Variants in ZNF469 observed in about 807,000 individuals in gnomAD.
ZNF469 encodes the protein zinc finger protein 469.
In ZNF469, 1 loss-of-function variant was observed where a neutral mutation model predicts 1.0. That is an observed-to-expected ratio of 1.00 (90% CI 0.35 to 4.73). The LOEUF (loss-of-function observed/expected upper bound fraction) is 4.73. Ranked by LOEUF, ZNF469 falls within the 30% of genes most tolerant of loss-of-function variation. The pLI is 0.16. For synonymous variants in ZNF469, 2,703 were observed against 2,363.4 expected, an observed-to-expected ratio of 1.14 and a Z score of -4.17; for missense variants, 6,100 against 5,356.3, an observed-to-expected ratio of 1.14 and a Z score of -4.33.
At chr16:88,228,366 C>T in the ZNF469 span, among the ~76,000 whole-genome samples, 2 of 152,230 alleles carry the variant, frequency 1.3e-5, no homozygotes, top group Admixed American at 1.3e-4. Context: ...GGTCTGGGCC[C>T]TGGGGTGTGT....
chr16:88,215,383 AT>A, the ZNF469 span, among the ~76,000 whole-genome samples: 242 of 94,144 alleles, frequency 2.6e-3, 1 homozygote, highest in African/African-American at 9.4e-3. Flanking sequence ...TTGCCTTTTA[AT>A]TTTTTTTTTT....
the ZNF469 span, among the ~76,000 whole-genome samples, chr16:88,356,968 G>A: frequency 6.6e-6 from 1 of 152,262 alleles, no homozygotes; most frequent in Admixed American, 6.5e-5. Context: ...TGACACGGAG[G>A]TGCAGCTGTG....
the ZNF469 span, among the ~76,000 whole-genome samples, chr16:88,104,978 G>C: frequency 6.6e-6 from 1 of 152,214 alleles, no homozygotes; most frequent in Non-Finnish European, 1.5e-5. Context: ...CACTTTGAGA[G>C]GCTGAGGCAG....
the ZNF469 span, among the ~76,000 whole-genome samples, chr16:88,355,559 C>T: frequency 2.6e-4 from 39 of 152,348 alleles, no homozygotes; most frequent in African/African-American, 9.4e-4. Flanking sequence ...GTGAGGAGTC[C>T]AGGCCAGGCC....
At chr16:88,351,705 G>T in the ZNF469 span, among the ~76,000 whole-genome samples, 1 of 142,118 alleles carries the variant, frequency 7.0e-6, no homozygotes, top group South Asian at 2.3e-4. Flanking sequence ...CCCCACCGCC[G>T]GCAGCAGGCC....
At chr16:88,387,953 G>A (rs1363035740) in intron 1 of ZNF469, among the ~76,000 whole-genome samples, 3 of 152,322 alleles carry the variant, frequency 2.0e-5, no homozygotes, top group Non-Finnish European at 2.9e-5. Context: ...TCAGAGCTCT[G>A]GGGCCAAGCT....
At chr16:88,402,836 G>A (rs1156396648) in intron 1 of ZNF469, among the ~76,000 whole-genome samples, 1 of 152,160 alleles carries the variant, frequency 6.6e-6, no homozygotes, top group Admixed American at 6.5e-5. Context: ...TGCGGAAACC[G>A]AGACAGGCCA....
intron 1 of ZNF469, among the ~76,000 whole-genome samples, chr16:88,401,469 AGATG>A (rs57440613): frequency 0.33 from 34,692 of 104,700 alleles, 7,380 homozygotes; most frequent in Non-Finnish European, 0.37. Flanking sequence ...GTGGGTGGGC[AGATG>A]GATGGATGGA....
the ZNF469 span, among the ~76,000 whole-genome samples, chr16:88,253,252 G>C: frequency 1.3e-5 from 2 of 152,202 alleles, no homozygotes; most frequent in South Asian, 4.1e-4. Flanking sequence ...AGGGGTCGCT[G>C]AGCAGAAGAC....
In ZNF469 at chr16:88,436,304, A is replaced by G. The variant is rs756327266; in HGVS notation, c.8834A>G (p.Asn2945Ser). 8 of 1,549,842 alleles carry G rather than the reference A, an allele frequency of 5.2e-6. No homozygotes were observed. The Admixed American group carries it at 5.9e-5, about 11-fold the overall frequency. Residue 2945 changes from asparagine to serine, a missense_variant, in exon 3 of 3, where the codon AAT (asparagine) becomes AGT (serine). Transcript: ENST00000565624. ...PESFLLDGFLNSRVPGIDPWA... is the reference protein window; with the variant it reads ...PESFLLDGFLSSRVPGIDPWA... The stretch of plus-strand genomic sequence containing the variant: ...TCCTTCCTCCTGGATGGGTTCCTCA[A>G]TAGCAGGGTGCCTGGCATTGACCCC...
rs1047016589 is a variant in ZNF469, at chr16:88,430,701, G to T, written c.3231G>T (p.Ala1077=). 6.7e-7 allele frequency: 1 copy of T among 1,482,296 alleles called. No individual in the cohort carries two copies. The highest frequency in any genetic ancestry group is 1.3e-5 in the South Asian group (1 of 76,384). The allele number at this position is 1,482,296 out of a possible 1,614,324, so 91.8% of individuals were successfully genotyped here. ...CGGGCAGGTGCGGCTCCCTGGCGGC[G>T]GGGAGGCCCCGGCCCGGAGCTGAGG... ...RRAGRCGSLA[A]GRPRPGAEDR... The change falls in exon 3 of 3, where the codon GCG becomes GCT. Residue 1077 remains alanine, a synonymous_variant. Transcript: ENST00000565624.
chr16:88,431,469 C>A lies in ZNF469; in HGVS notation c.3999C>A (p.Asn1333Lys). ...QPGEFLAPVA[N>K]PSSTACPKPS... ...GAGAATTTCTGGCACCCGTGGCTAACCCCTCAAGTACCGCCTGCCCCAAAC... is the reference window on the plus strand; with the variant it reads ...GAGAATTTCTGGCACCCGTGGCTAAACCCTCAAGTACCGCCTGCCCCAAAC... The change falls in exon 3 of 3, where the codon AAC becomes AAA. Residue 1333 changes from asparagine (N) to lysine (K), a missense_variant. Transcript: ENST00000565624. 6.4e-7 allele frequency: 1 copy of A among 1,550,398 alleles called. No individual in the cohort carries two copies. Among genetic ancestry groups the A allele is most frequent in the Non-Finnish European group, 8.7e-7 (1 of 1,146,982 alleles).
chr16:88,242,965 A>T, the ZNF469 span, among the ~76,000 whole-genome samples: 5 of 152,182 alleles, frequency 3.3e-5, no homozygotes, highest in African/African-American at 1.2e-4. Context: ...GAAGCCTTTG[A>T]CTCAGCTCAC....
rs1210403983 is a variant in ZNF469 at position 88,430,959 on chromosome 16, G to A, written c.3489G>A (p.Pro1163=). ...ANPEEPGGSR[P]GPGRSPQARG... Reference sequence around the variant, plus strand: ...CCGAGGAGCCGGGCGGGTCTCGCCCGGGCCCCGGCAGGAGCCCTCAGGCCC... The same window carrying A: ...CCGAGGAGCCGGGCGGGTCTCGCCCAGGCCCCGGCAGGAGCCCTCAGGCCC... Residue 1163 remains proline, a synonymous_variant, in exon 3 of 3, where the codon CCG becomes CCA. Coordinates refer to ENST00000565624, the MANE Select transcript of ZNF469 (RefSeq NM_001367624.2). 5.2e-6 allele frequency: 8 copies of A among 1,535,642 alleles called. No individual in the cohort carries two copies. Among genetic ancestry groups the A allele is most frequent in the East Asian group, 2.5e-5 (1 of 40,790 alleles).
chr16:88,322,840 A>G, the ZNF469 span, among the ~76,000 whole-genome samples: 3 of 152,178 alleles, frequency 2.0e-5, no homozygotes, highest in Admixed American at 2.0e-4. Context: ...CTTGGGGGCC[A>G]GGTTCAAATG....
At chr16:88,382,267 G>A (rs1206412884), upstream of ZNF469, among the ~76,000 whole-genome samples, 2 of 152,232 alleles carry the variant, frequency 1.3e-5, no homozygotes, top group South Asian at 2.1e-4. Context: ...TGTGGCCTTG[G>A]GCAGGTTCCT....
At chr16:88,352,227 C>G in the ZNF469 span, among the ~76,000 whole-genome samples, 1 of 152,194 alleles carries the variant, frequency 6.6e-6, no homozygotes, top group Non-Finnish European at 1.5e-5. Context: ...ATGGACAACT[C>G]ACTGCCACCA....
chr16:88,183,983 T>C, the ZNF469 span, among the ~76,000 whole-genome samples: 1 of 151,832 alleles, frequency 6.6e-6, no homozygotes, highest in South Asian at 2.1e-4. Context: ...CCCCAGCCCT[T>C]TCCCAGCTTT....
chr16:88,301,405 C>T, the ZNF469 span, among the ~76,000 whole-genome samples: 10 of 152,314 alleles, frequency 6.6e-5, no homozygotes, highest in Middle Eastern at 3.4e-3. Flanking sequence ...CCACCAGCCT[C>T]GGCCTCCCAA....
Sources: gnomAD v4.1 joint callset for allele counts (sites outside exome capture counted in the v4.1 genomes callset) on GRCh38, gnomAD v4.1.1 for gene constraint, MANE v1.5 for transcripts, NCBI Gene and HGNC (gene_info 2026-07-23, HGNC 2026-07-21) for gene names.